The following CDH9 variants were observed in gnomAD, a reference collection of about 807,000 sequenced individuals.
CDH9 encodes the protein cadherin-9.
A neutral mutation model predicts 70.9 loss-of-function variants in CDH9; 28 were observed. The ratio of observed to expected loss-of-function variants is 0.40; its 90% CI spans 0.29 to 0.54. The LOEUF is 0.54. CDH9 is among the 20% of genes least tolerant of loss of function. The pLI, the probability that CDH9 is intolerant of heterozygous loss-of-function variation, is 0.59. For synonymous variants in CDH9, 409 were observed against 343.1 expected, an observed-to-expected ratio of 1.19 and a Z score of -2.12; for missense variants, 874 against 984.4, an observed-to-expected ratio of 0.89 and a Z score of 1.50.
intron 7 of CDH9, 134 bp downstream of exon 7, chr5:26,902,342 G>C (rs1295817426): frequency 1.6e-6 from 1 of 622,748 alleles, no homozygotes; most frequent in African/African-American, 1.8e-5. Flanking sequence ...TTTTCACACA[G>C]TTTGTAAATA....
At chr5:27,025,384 G>A (rs966098977) in intron 1 of CDH9, among the ~76,000 whole-genome samples, 5 of 151,994 alleles carry the variant, frequency 3.3e-5, no homozygotes, top group African/African-American at 4.8e-5. Context: ...GATATGGTAC[G>A]GAAAATAACT....
At chr5:26,981,411 G>T (rs1742397210) in intron 2 of CDH9, among the ~76,000 whole-genome samples, 1 of 151,994 alleles carries the variant, frequency 6.6e-6, no homozygotes, top group Non-Finnish European at 1.5e-5. Context: ...ATTGTTTAGG[G>T]AGTAATGACA....
intron 1 of CDH9, among the ~76,000 whole-genome samples, chr5:27,022,948 T>TA (rs1321498931): frequency 6.6e-6 from 1 of 152,034 alleles, no homozygotes; most frequent in African/African-American, 2.4e-5. Flanking sequence ...CTTTTTTTTT[T>TA]ATTTTCCTTA....
chr5:26,932,642 CTTTATA>C (rs1388981089), intron 2 of CDH9, among the ~76,000 whole-genome samples: 21 of 152,174 alleles, frequency 1.4e-4, no homozygotes, highest in Middle Eastern at 3.4e-3. Context: ...CTATATTTGA[CTTTATA>C]TTTAAAGCGT....
chr5:26,991,866 G>T lies in CDH9; in HGVS notation c.-49-3484C>A, dbSNP rs1742584723. Among the ~76,000 whole-genome samples the T allele has an allele frequency of 1.3e-5, 2 of 151,980 alleles. 1 individual carries two copies. Among genetic ancestry groups the T allele is most frequent in the South Asian group, 4.2e-4 (2 of 4,816 alleles). On this transcript the variant is annotated intron_variant, in intron 1 of 11. Coordinates refer to ENST00000231021, the MANE Select transcript of CDH9 (RefSeq NM_016279.4). The stretch of plus-strand genomic sequence containing the variant: ...AGAATCCATTCTTTTCTTATTCTTG[G>T]TCAAAATAAAGAAGTAATTTTTATA...
At chr5:26,919,550 G>A (rs1258052167) in intron 2 of CDH9, among the ~76,000 whole-genome samples, 4 of 152,014 alleles carry the variant, frequency 2.6e-5, no homozygotes, top group Non-Finnish European at 5.9e-5. Flanking sequence ...CAGAGCCAGT[G>A]GACTTTCTGG....
At chr5:27,010,052 TA>T (rs1376033064) in intron 1 of CDH9, among the ~76,000 whole-genome samples, 1 of 152,076 alleles carries the variant, frequency 6.6e-6, no homozygotes, top group Non-Finnish European at 1.5e-5. Flanking sequence ...TTCAGAAGTT[TA>T]AAAATAGATG....
intron 2 of CDH9, among the ~76,000 whole-genome samples, chr5:26,917,296 G>C (rs1741166362): frequency 6.6e-6 from 1 of 151,774 alleles, no homozygotes; most frequent in Non-Finnish European, 1.5e-5. Context: ...GCAGATGGGA[G>C]ATATTGATCA....
chr5:27,021,555 T>C (rs1743138692), intron 1 of CDH9, among the ~76,000 whole-genome samples: 1 of 151,866 alleles, frequency 6.6e-6, no homozygotes, highest in African/African-American at 2.4e-5. Context: ...TACTCATGAA[T>C]ACTCTTTTAA....
At chr5:26,915,994 G>C in intron 2 of CDH9, 70 bp from the exon 3 acceptor site, 2 of 1,088,854 alleles carry the variant, frequency 1.8e-6, no homozygotes, top group Non-Finnish European at 2.6e-6. Context: ...TAATTTTGGC[G>C]CTATCAATTC....
chr5:26,965,976 T>C (rs541826634), intron 2 of CDH9, among the ~76,000 whole-genome samples: 1 of 152,328 alleles, frequency 6.6e-6, no homozygotes, highest in East Asian at 1.9e-4. Flanking sequence ...TGTTATATTA[T>C]ATAGTATTTT....
chr5:26,906,157 A>T, intron 4 of CDH9, 31 bp from the exon 5 acceptor site: 1 of 1,583,154 alleles, frequency 6.3e-7, no homozygotes, highest in South Asian at 1.1e-5. Context: ...AAGTTTTGCA[A>T]TTAAATCGCT....
intron 11 of CDH9, 38 bp from the exon 12 acceptor site, chr5:26,881,661 A>C (rs1429097930): frequency 6.4e-7 from 1 of 1,561,824 alleles, no homozygotes; most frequent in Admixed American, 1.9e-5. Flanking sequence ...AGATTTCATG[A>C]GTCAGGATAA....
At chr5:26,902,952 A>G in intron 6 of CDH9, 1 of 423,858 alleles carries the variant, frequency 2.4e-6, no homozygotes, top group Non-Finnish European at 4.2e-6. Flanking sequence ...ATTGAGATTG[A>G]TTCTCACTTA....
rs1257163746 is a variant in CDH9 at position 26,900,829 on chromosome 5, A to C, written c.1253+1647T>G. ...TTTTGAAACATGACAAATACTATAA[A>C]AAAACAGACACTTGTTGAGCATTTG... On this transcript the variant is annotated intron_variant, in intron 7 of 11. Coordinates refer to ENST00000231021, the MANE Select transcript of CDH9 (RefSeq NM_016279.4). Among the ~76,000 whole-genome samples, 3 of 152,190 alleles carry C rather than the reference A, an allele frequency of 2.0e-5. No individual in the cohort carries two copies. In the East Asian group the frequency reaches 5.8e-4, roughly 29 times the overall value.
chr5:26,969,694 C>A (rs1464419828), intron 2 of CDH9, among the ~76,000 whole-genome samples: 1 of 151,900 alleles, frequency 6.6e-6, no homozygotes, highest in Non-Finnish European at 1.5e-5. Flanking sequence ...CATATTTAAT[C>A]CATAGCTGTA....
intron 2 of CDH9, among the ~76,000 whole-genome samples, chr5:26,918,622 C>T (rs577734084): frequency 5.3e-5 from 8 of 152,272 alleles, no homozygotes; most frequent in Non-Finnish European, 7.3e-5. Context: ...GGATTGCACA[C>T]CTCAGTATGG....
At chr5:26,919,688 G>A (rs745686723) in intron 2 of CDH9, among the ~76,000 whole-genome samples, 2 of 151,994 alleles carry the variant, frequency 1.3e-5, no homozygotes, top group Non-Finnish European at 2.9e-5. Flanking sequence ...AATAGGAGGT[G>A]GGAGGGGAAA....
chr5:26,979,666 C>G (rs10060238), intron 2 of CDH9, among the ~76,000 whole-genome samples: 71,783 of 151,418 alleles, frequency 0.47, 17,830 homozygotes, highest in African/African-American at 0.52. Context: ...TTTTAATAGA[C>G]TTATACAGAA....
Sources: gnomAD v4.1 joint callset for allele counts (sites outside exome capture counted in the v4.1 genomes callset) on GRCh38, gnomAD v4.1.1 for gene constraint, MANE v1.5 for transcripts, NCBI Gene and HGNC (gene_info 2026-07-23, HGNC 2026-07-21) for gene names.